INPP4B: variants seen among roughly 807,000 people sequenced by gnomAD.
INPP4B encodes inositol polyphosphate-4-phosphatase type II B.
Under a neutral mutation model 122.5 loss-of-function variants are expected in INPP4B, and 55 were observed. The observed-to-expected ratio is 0.45, with a 90% CI of 0.36 to 0.56. The LOEUF (loss-of-function observed/expected upper bound fraction) is 0.56, where lower values mean the gene tolerates loss of function less well. INPP4B is among the 20% of genes least tolerant of loss of function. The pLI is 0.00. For missense variants in INPP4B, 1,000 were observed against 1,097.7 expected, an observed-to-expected ratio of 0.91 and a Z score of 1.26; for synonymous variants, 403 against 388.7, an observed-to-expected ratio of 1.04 and a Z score of -0.43.
rs899353047 is a variant in INPP4B, at chr4:142,338,093, A to G, written c.373-23331T>C. Among the ~76,000 whole-genome samples the G allele has an allele frequency of 2.0e-5, 3 of 152,114 alleles. No homozygotes were observed. The East Asian group carries it at 5.8e-4, about 29-fold the overall frequency. Reference sequence around the variant, plus strand: ...CTGTATTGCTTTGCAAATGCTTTTAATACTCTTGGTATGTGTCTGAAACTT... The same window carrying G: ...CTGTATTGCTTTGCAAATGCTTTTAGTACTCTTGGTATGTGTCTGAAACTT... On this transcript the variant is annotated intron_variant, in intron 7 of 25. Coordinates refer to ENST00000262992, the MANE Select transcript of INPP4B (RefSeq NM_001101669.3).
At chr4:142,468,532 G>C (rs1314564483) in intron 2 of INPP4B, among the ~76,000 whole-genome samples, 2 of 152,122 alleles carry the variant, frequency 1.3e-5, no homozygotes, top group Non-Finnish European at 2.9e-5. Context: ...CTTAGTCATG[G>C]GGGTGGATTC....
At chr4:142,028,982 T>G in intron 25 of INPP4B, 68 bp from the exon 26 acceptor site, 1 of 1,520,186 alleles carries the variant, frequency 6.6e-7, no homozygotes, top group Non-Finnish European at 8.8e-7. Flanking sequence ...ATTTGTTTAA[T>G]GCAGAGTTGC....
intron 12 of INPP4B, among the ~76,000 whole-genome samples, chr4:142,211,370 A>G (rs1844811708): frequency 6.6e-6 from 1 of 152,242 alleles, no homozygotes; most frequent in Non-Finnish European, 1.5e-5. Context: ...CCAATCAGGA[A>G]GCCTAGGGCT....
intron 8 of INPP4B, chr4:142,305,760 C>A (rs1763122104): frequency 7.3e-7 from 1 of 1,361,766 alleles, no homozygotes; most frequent in Non-Finnish European, 9.5e-7. Flanking sequence ...AAGAGACCAA[C>A]AGGCTAGAAA....
intron 1 of INPP4B, among the ~76,000 whole-genome samples, chr4:142,843,208 C>A (rs1381677079): frequency 6.6e-6 from 1 of 151,332 alleles, no homozygotes; most frequent in East Asian, 1.9e-4. Flanking sequence ...GTATCTTGCA[C>A]AACAAAATTC....
At chr4:142,207,409 C>T (rs2627823) in intron 14 of INPP4B, among the ~76,000 whole-genome samples, 96,805 of 151,940 alleles carry the variant, frequency 0.64, 31,459 homozygotes, top group Non-Finnish European at 0.7. Flanking sequence ...TTTTCACTAA[C>T]GGTGTACAAT....
intron 25 of INPP4B, among the ~76,000 whole-genome samples, chr4:142,080,254 G>A (rs909712384): frequency 6.6e-6 from 1 of 152,088 alleles, no homozygotes; most frequent in African/African-American, 2.4e-5. Context: ...ACTCTGCTGT[G>A]TTGCCAGAGC....
Position 142,026,081 on chromosome 4 carries a change from T to C in INPP4B, c.*2701A>G, listed in dbSNP as rs1043920064. 1 of 152,208 alleles carries C rather than the reference T, an allele frequency of 6.6e-6. No individual in the cohort carries two copies. The highest frequency in any genetic ancestry group is 6.5e-5 in the Admixed American group (1 of 15,282). The allele number at this position is 152,208 out of a possible 1,614,324, so 9.4% of individuals were successfully genotyped here. A position where few individuals can be genotyped will look rare whatever the true frequency, so the allele number is the denominator to read the frequency against. ...TTTGAGCAAAAAAAGAGTTTGGAAA[T>C]GTCATTTGCTCAGTTCATTTTTTGG... On this transcript the variant is annotated 3_prime_UTR_variant, in exon 26 of 26. Coordinates refer to ENST00000262992, the MANE Select transcript of INPP4B (RefSeq NM_001101669.3).
At chr4:142,573,437 A>G (rs886811466) in intron 2 of INPP4B, among the ~76,000 whole-genome samples, 2 of 152,098 alleles carry the variant, frequency 1.3e-5, no homozygotes, top group Non-Finnish European at 2.9e-5. Flanking sequence ...TACAGCAGGA[A>G]GAGGAGAATT....
At chr4:142,110,297 C>G (rs1429424902) in intron 22 of INPP4B, among the ~76,000 whole-genome samples, 2 of 152,180 alleles carry the variant, frequency 1.3e-5, no homozygotes, top group Middle Eastern at 3.4e-3. Context: ...CACTGGAAAC[C>G]AAATTGGCTG....
At chr4:142,841,422 A>C (rs1783476424) in intron 1 of INPP4B, among the ~76,000 whole-genome samples, 1 of 152,032 alleles carries the variant, frequency 6.6e-6, no homozygotes, top group Non-Finnish European at 1.5e-5. Context: ...ATTTTGAAAG[A>C]ACTAAAGGAA....
chr4:142,762,583 T>C (rs998914018), intron 1 of INPP4B, among the ~76,000 whole-genome samples: 1 of 152,168 alleles, frequency 6.6e-6, no homozygotes, highest in Non-Finnish European at 1.5e-5. Flanking sequence ...TGTCCATGAA[T>C]TTCCCTGTCT....
Position 142,027,357 on chromosome 4 carries a change from T to C in INPP4B, c.*1425A>G, listed in dbSNP as rs545725566. On this transcript the variant is annotated 3_prime_UTR_variant, in exon 26 of 26. Transcript: ENST00000262992. ...CTATGGGAAGCATAATATCATCCAT[T>C]GATCATAGCTAAGAGAGGGCTTAAG... The C allele has an allele frequency of 6.6e-6, 1 of 152,294 alleles. No individual in the cohort carries two copies. Among genetic ancestry groups the C allele is most frequent in the African/African-American group, 2.4e-5 (1 of 41,574 alleles). 9.4% of individuals were successfully genotyped at this position (152,294 alleles called of 1,614,324 possible). A position where few individuals can be genotyped will look rare whatever the true frequency, so the allele number is the denominator to read the frequency against.
chr4:142,107,677 G>T (rs1345328475), intron 23 of INPP4B, among the ~76,000 whole-genome samples: 2 of 151,952 alleles, frequency 1.3e-5, no homozygotes, highest in Admixed American at 1.3e-4. Flanking sequence ...TGTTCAACTG[G>T]TATTATATCT....
intron 1 of INPP4B, among the ~76,000 whole-genome samples, chr4:142,816,651 C>T (rs912118837): frequency 3.9e-5 from 6 of 152,122 alleles, no homozygotes; most frequent in South Asian, 2.1e-4. Flanking sequence ...CCTACATATG[C>T]GTATGCATAC....
At chr4:142,228,243 G>C (rs1388635622) in intron 12 of INPP4B, among the ~76,000 whole-genome samples, 1 of 151,632 alleles carries the variant, frequency 6.6e-6, no homozygotes, top group Non-Finnish European at 1.5e-5. Flanking sequence ...CAGATAAAAA[G>C]AAAAAATTAA....
chr4:142,779,518 T>C (rs138853942), intron 1 of INPP4B, among the ~76,000 whole-genome samples: 1 of 152,120 alleles, frequency 6.6e-6, no homozygotes, highest in South Asian at 2.1e-4. Context: ...TTCCATCCTT[T>C]CTACAAATCC....
At chr4:142,641,445 T>G (rs945047884) in intron 2 of INPP4B, among the ~76,000 whole-genome samples, 4 of 122,272 alleles carry the variant, frequency 3.3e-5, no homozygotes, top group African/African-American at 9.2e-5. Flanking sequence ...ACAGGCCCCG[T>G]TGTGTGATGT....
intron 7 of INPP4B, among the ~76,000 whole-genome samples, chr4:142,329,196 G>A (rs1773550438): frequency 6.6e-6 from 1 of 152,186 alleles, no homozygotes; most frequent in African/African-American, 2.4e-5. Flanking sequence ...AGTGTAACGA[G>A]GTGGGAGTGC....
Sources: allele counts gnomAD v4.1 joint callset (sites outside exome capture counted in the v4.1 genomes callset), GRCh38; gene constraint gnomAD v4.1.1; transcripts MANE v1.5; gene names NCBI Gene and HGNC (gene_info 2026-07-23, HGNC 2026-07-21).